GNB1: variants seen among roughly 807,000 people sequenced by gnomAD.
The protein encoded by GNB1 is G protein subunit beta 1.
GNB1 carries 2 observed loss-of-function variants against 42.9 expected under a neutral mutation model. That is an observed-to-expected ratio of 0.05 (90% CI 0.02 to 0.15). The LOEUF (loss-of-function observed/expected upper bound fraction) is 0.15, where lower values mean the gene tolerates loss of function less well. Ranked by LOEUF, GNB1 falls within the 10% of genes least tolerant of loss-of-function variation. The pLI is 1.00. For synonymous variants in GNB1, 183 were observed against 174.7 expected (o/e 1.05, Z -0.38); for missense variants, 193 against 462.2 (o/e 0.42, Z 5.34).
chr1:1,808,206 G>A (rs553846590), intron 5 of GNB1, among the ~76,000 whole-genome samples: 21 of 151,974 alleles, frequency 1.4e-4, no homozygotes, highest in African/African-American at 4.3e-4. Context: ...GTTTCTCCAC[G>A]TTAATCAGGC....
intron 1 of GNB1, among the ~76,000 whole-genome samples, chr1:1,869,110 C>T (rs771908008): frequency 5.0e-5 from 7 of 140,170 alleles, no homozygotes; most frequent in Non-Finnish European, 7.5e-5. Flanking sequence ...GGCATGAACC[C>T]AGGAGGCGGA....
chr1:1,844,152 G>A (rs977796295), intron 1 of GNB1, among the ~76,000 whole-genome samples: 6 of 151,230 alleles, frequency 4.0e-5, no homozygotes, highest in Non-Finnish European at 5.9e-5. Context: ...CTGAGATTGC[G>A]TCACTGCACT....
At chr1:1,815,947 C>T (rs1001402188) in intron 4 of GNB1, 85 bp from the exon 5 acceptor site, 4 of 828,576 alleles carry the variant, frequency 4.8e-6, no homozygotes, top group Admixed American at 2.0e-5. Flanking sequence ...GCTGTTGGCT[C>T]GCCCACTGTG....
At position 1,889,441 on chromosome 1, in the gene GNB1, A is replaced by T. The variant is rs1025634695; in HGVS notation, c.-96+1379T>A. On this transcript the variant is annotated intron_variant, in intron 1 of 11. Coordinates refer to ENST00000378609, the MANE Select transcript of GNB1 (RefSeq NM_002074.5). ...TACACCCTAACTGTAAATGTACACC[A>T]ACTCCCTTTTCAAAACACAAATTTT... Among the ~76,000 whole-genome samples the T allele has an allele frequency of 3.3e-5, 5 of 152,320 alleles. No homozygotes were observed. The South Asian group carries it at 8.3e-4, about 25-fold the overall frequency.
intron 2 of GNB1, among the ~76,000 whole-genome samples, chr1:1,833,480 G>A (rs1369828913): frequency 6.6e-6 from 1 of 152,108 alleles, no homozygotes; most frequent in Admixed American, 6.6e-5. Context: ...ACTGATAAAG[G>A]ACACGACCAC....
chr1:1,804,774 A>G (rs1180493940), intron 6 of GNB1, among the ~76,000 whole-genome samples, 193 bp from the exon 7 acceptor site: 1 of 152,242 alleles, frequency 6.6e-6, no homozygotes, highest in Non-Finnish European at 1.5e-5. Context: ...AGTGCTGCAC[A>G]TGGGATTCAA....
At chr1:1,823,374 C>T (rs114450528) in intron 3 of GNB1, among the ~76,000 whole-genome samples, 1 of 151,634 alleles carries the variant, frequency 6.6e-6, no homozygotes, top group Non-Finnish European at 1.5e-5. Context: ...AATAACAACA[C>T]TTTGCTTTTC....
At chr1:1,873,740 C>G (rs909785800) in intron 1 of GNB1, among the ~76,000 whole-genome samples, 1 of 152,162 alleles carries the variant, frequency 6.6e-6, no homozygotes, top group African/African-American at 2.4e-5. Flanking sequence ...ATTGCTTGAA[C>G]CCCAGAGGCA....
At chr1:1,857,944 CGTG>C (rs1299725683) in intron 1 of GNB1, among the ~76,000 whole-genome samples, 1 of 152,068 alleles carries the variant, frequency 6.6e-6, no homozygotes, top group Non-Finnish European at 1.5e-5. Context: ...CGTACTGTAC[CGTG>C]ATATTTTATG....
intron 1 of GNB1, among the ~76,000 whole-genome samples, chr1:1,859,165 G>A (rs1330995095): frequency 2.0e-5 from 3 of 151,882 alleles, no homozygotes; most frequent in African/African-American, 4.8e-5. Flanking sequence ...AGGATTAGAG[G>A]CATGCACCAC....
At chr1:1,794,634 G>A (rs951120453) in intron 7 of GNB1, among the ~76,000 whole-genome samples, 5 of 152,232 alleles carry the variant, frequency 3.3e-5, no homozygotes, top group African/African-American at 1.2e-4. Context: ...AACCCACTGG[G>A]GTTTTAATGT....
chr1:1,856,069 C>G (rs943977100), intron 1 of GNB1, among the ~76,000 whole-genome samples: 1 of 152,238 alleles, frequency 6.6e-6, no homozygotes, highest in Non-Finnish European at 1.5e-5. Context: ...GTGACCCAGG[C>G]TAGAGTGCAG....
In GNB1 at chr1:1,786,284, A is replaced by T. The variant is rs1646405316; in HGVS notation, c.*779T>A. The T allele has an allele frequency of 5.2e-6, 2 of 384,024 alleles. No individual in the cohort carries two copies. Among genetic ancestry groups the T allele is most frequent in the East Asian group, 7.4e-5 (2 of 27,204 alleles). The allele number at this position is 384,024 out of a possible 1,614,324, so 23.8% of individuals were successfully genotyped here. The stretch of plus-strand genomic sequence containing the variant: ...AAGTGAGATTAAAAACTCAACTGAG[A>T]AGATAGACAGGATGGGTCAGGAGGA... On this transcript the variant is annotated 3_prime_UTR_variant, in exon 12 of 12. Coordinates refer to ENST00000378609, the MANE Select transcript of GNB1 (RefSeq NM_002074.5).
intron 5 of GNB1, among the ~76,000 whole-genome samples, chr1:1,814,304 TACTCA>T (rs1646821115): frequency 3.3e-5 from 5 of 152,200 alleles, no homozygotes; most frequent in Non-Finnish European, 7.3e-5. Context: ...AAAGAAATAC[TACTCA>T]AAGAAGGGCA....
intron 3 of GNB1, among the ~76,000 whole-genome samples, chr1:1,820,400 T>A (rs146010372): frequency 2.7e-5 from 4 of 149,430 alleles, no homozygotes; most frequent in Non-Finnish European, 5.9e-5. Context: ...CTGAGATTAT[T>A]ATAAATATAC....
At chr1:1,876,518 A>C (rs1208840846) in intron 1 of GNB1, among the ~76,000 whole-genome samples, 1 of 150,886 alleles carries the variant, frequency 6.6e-6, no homozygotes, top group East Asian at 2.0e-4. Flanking sequence ...AGAGAGAGCG[A>C]GCGTGCATGG....
chr1:1,874,605 T>TAAAA (rs34864042), intron 1 of GNB1, among the ~76,000 whole-genome samples: 41 of 47,024 alleles, frequency 8.7e-4, no homozygotes, highest in East Asian at 3.7e-3. Context: ...AGACTCCATC[T>TAAAA]AAAAAAAAAA....
intron 1 of GNB1, among the ~76,000 whole-genome samples, chr1:1,885,572 T>TTTTTTG (rs1650103706): frequency 2.5e-5 from 2 of 80,100 alleles, no homozygotes; most frequent in African/African-American, 7.5e-5. Context: ...TTTTTTTTTT[T>TTTTTTG]GTGAAACGGA....
chr1:1,832,986 C>CTATGACGTTGTTAGTCAAAGTGATTAAA (rs1647097492), intron 2 of GNB1, among the ~76,000 whole-genome samples: 1 of 152,078 alleles, frequency 6.6e-6, no homozygotes. Flanking sequence ...ATGACGTGTA[C>CTATGACGTTGTTAGTCAAAGTGATTAAA]CTTTGACTAA....
Sources: gnomAD v4.1 joint callset for allele counts (sites outside exome capture counted in the v4.1 genomes callset) on GRCh38, gnomAD v4.1.1 for gene constraint, MANE v1.5 for transcripts, NCBI Gene and HGNC (gene_info 2026-07-23, HGNC 2026-07-21) for gene names.